SLIT3: variants seen among roughly 807,000 people sequenced by gnomAD.
The protein encoded by SLIT3 is slit homolog 3 protein.
A neutral mutation model predicts 184.0 loss-of-function variants in SLIT3; 68 were observed. That is an observed-to-expected ratio of 0.37 (90% CI 0.30 to 0.45). SLIT3 has a LOEUF of 0.45. Ranked by LOEUF, SLIT3 falls within the 20% of genes least tolerant of loss-of-function variation. The pLI is 1.00. For synonymous variants in SLIT3, 831 were observed against 828.6 expected (o/e 1.00, Z -0.05); for missense variants, 1,707 against 2,026.0 (o/e 0.84, Z 3.02).
Position 169,084,454 on chromosome 5 carries a change from A to T in SLIT3, c.413+109025T>A, listed in dbSNP as rs13187873. On this transcript the variant is annotated intron_variant, in intron 4 of 35. Transcript: ENST00000519560. The stretch of plus-strand genomic sequence containing the variant: ...TACAGGCATGCGCCACCATGCCCAG[A>T]TTTTTTTTTTTTTTTTTTTTTTTTG... Among the ~76,000 whole-genome samples the T allele has an allele frequency of 6.2e-4, 63 of 101,398 alleles. 1 individual carries two copies. Among genetic ancestry groups the T allele is most frequent in the South Asian group, 1.3e-3 (4 of 2,996 alleles). 66.5% of individuals were successfully genotyped at this position (101,398 alleles called of 152,430 possible). A position where few individuals can be genotyped will look rare whatever the true frequency, so the allele number is the denominator to read the frequency against.
At chr5:169,198,992 A>T (rs547905786) in intron 3 of SLIT3, among the ~76,000 whole-genome samples, 5 of 141,826 alleles carry the variant, frequency 3.5e-5, no homozygotes, top group East Asian at 2.1e-4. Context: ...GTGTATATTT[A>T]TATATATATA....
chr5:168,965,038 A>T (rs1328835921), intron 4 of SLIT3, among the ~76,000 whole-genome samples: 1 of 152,146 alleles, frequency 6.6e-6, no homozygotes, highest in Non-Finnish European at 1.5e-5. Context: ...CCTGAAAGAG[A>T]GAGGGCCTCC....
intron 23 of SLIT3, chr5:168,720,113 A>G (rs1471374672): frequency 1.3e-5 from 2 of 152,060 alleles, no homozygotes; most frequent in Non-Finnish European, 2.9e-5. Flanking sequence ...ACAGGGTTTC[A>G]CTATGTTGCC....
chr5:168,791,733 G>C (rs1207677045), intron 10 of SLIT3: 1 of 152,162 alleles, frequency 6.6e-6, no homozygotes, highest in Non-Finnish European at 1.5e-5. Flanking sequence ...TTTGTGGTAA[G>C]AACACTTAAA....
intron 1 of SLIT3, among the ~76,000 whole-genome samples, chr5:169,272,795 T>C (rs1766673544): frequency 6.6e-6 from 1 of 152,110 alleles, no homozygotes. Flanking sequence ...CCAGTAAAAT[T>C]GAGAGCAGCT....
At chr5:169,122,948 T>C (rs1325842683) in intron 4 of SLIT3, among the ~76,000 whole-genome samples, 1 of 152,168 alleles carries the variant, frequency 6.6e-6, no homozygotes, top group Non-Finnish European at 1.5e-5. Context: ...GTAAAAAGAA[T>C]CCTGATACAT....
In SLIT3 at chr5:169,127,194, G is replaced by A. The variant is rs374682431; in HGVS notation, c.413+66285C>T. The stretch of plus-strand genomic sequence containing the variant: ...TATATGAGGCTAAGAGTACCAATGA[G>A]GACAATCAGAAAAGTCGAGTCATAA... On this transcript the variant is annotated intron_variant, in intron 4 of 35. Transcript: ENST00000519560. 1.4e-4 allele frequency among the ~76,000 whole-genome samples: 22 copies of A among 152,320 alleles called. No individual in the cohort carries two copies. In the East Asian group the frequency reaches 3.3e-3, roughly 23 times the overall value.
At chr5:168,709,584 G>C (rs1396159486) in intron 25 of SLIT3, among the ~76,000 whole-genome samples, 7 of 152,192 alleles carry the variant, frequency 4.6e-5, no homozygotes, top group Non-Finnish European at 7.3e-5. Context: ...AGATCAGATA[G>C]CTTAGAAGCA....
intron 4 of SLIT3, among the ~76,000 whole-genome samples, chr5:169,106,830 A>T (rs62376874): frequency 3.9e-5 from 6 of 152,248 alleles, no homozygotes; most frequent in Non-Finnish European, 7.3e-5. Flanking sequence ...TCAAAAAAGC[A>T]AAAGTCCTTC....
At chr5:168,790,559 G>C (rs1326484194) in intron 10 of SLIT3, 1 of 152,170 alleles carries the variant, frequency 6.6e-6, no homozygotes, top group East Asian at 1.9e-4. Flanking sequence ...TTAGCTCAGG[G>C]ATGGCCTCTG....
chr5:168,976,703 A>T (rs1038789928), intron 4 of SLIT3, among the ~76,000 whole-genome samples: 1 of 152,204 alleles, frequency 6.6e-6, no homozygotes, highest in African/African-American at 2.4e-5. Context: ...AGGAAGACAG[A>T]TCAGTGTAGT....
intron 4 of SLIT3, among the ~76,000 whole-genome samples, chr5:168,920,912 A>T (rs1761616321): frequency 6.6e-6 from 1 of 152,094 alleles, no homozygotes; most frequent in African/African-American, 2.4e-5. Flanking sequence ...CCCACCACAC[A>T]TCGCTCATTC....
intron 23 of SLIT3, chr5:168,720,779 A>G (rs774481294): frequency 6.6e-6 from 1 of 152,150 alleles, no homozygotes; most frequent in African/African-American, 2.4e-5. Flanking sequence ...GCCCCCAGAG[A>G]ATTGATTTTT....
chr5:169,078,558 T>C (rs1193698178), intron 4 of SLIT3, among the ~76,000 whole-genome samples: 1 of 152,154 alleles, frequency 6.6e-6, no homozygotes, highest in Non-Finnish European at 1.5e-5. Flanking sequence ...ACTTCACTCA[T>C]TTCCTTGTTT....
rs189296019 is a variant in SLIT3 at position 168,978,240 on chromosome 5, A to G, written c.414-94904T>C. On this transcript the variant is annotated intron_variant, in intron 4 of 35. Transcript: ENST00000519560. ...TAAGTGCGTAGAAGTTTCCATGTGC[A>G]GACAATTGGAGGATTACCTAAGGTC... Among the ~76,000 whole-genome samples the G allele has an allele frequency of 5.9e-5, 9 of 152,364 alleles. 1 individual carries two copies. The East Asian group carries it at 1.7e-3, about 29-fold the overall frequency.
At chr5:169,098,304 CGT>C (rs896052562) in intron 4 of SLIT3, among the ~76,000 whole-genome samples, 1 of 152,200 alleles carries the variant, frequency 6.6e-6, no homozygotes, top group Non-Finnish European at 1.5e-5. Flanking sequence ...AAATCACACA[CGT>C]GTGTGTATAC....
intron 5 of SLIT3, among the ~76,000 whole-genome samples, chr5:168,878,717 CT>C (rs35132944): frequency 0.018 from 2,465 of 140,714 alleles, 61 homozygotes; most frequent in African/African-American, 0.058. Context: ...CAGTTTCTTC[CT>C]TTTTTTTTTT....
intron 4 of SLIT3, among the ~76,000 whole-genome samples, chr5:168,912,948 T>TC (rs989412893): frequency 8.6e-4 from 131 of 152,306 alleles, no homozygotes; most frequent in African/African-American, 3.0e-3. Flanking sequence ...GCTTAGGTAT[T>TC]CCACCCTGTC....
intron 5 of SLIT3, among the ~76,000 whole-genome samples, chr5:168,868,349 G>T (rs1561977350): frequency 1.3e-5 from 2 of 152,144 alleles, no homozygotes; most frequent in Non-Finnish European, 2.9e-5. Context: ...GGAGTGCACT[G>T]GTGCCATCAC....
Sources: allele counts gnomAD v4.1 joint callset (sites outside exome capture counted in the v4.1 genomes callset), GRCh38; gene constraint gnomAD v4.1.1; transcripts MANE v1.5; gene names NCBI Gene and HGNC (gene_info 2026-07-23, HGNC 2026-07-21).